AGMO: variants seen among roughly 807,000 people sequenced by gnomAD.
The protein encoded by AGMO is glyceryl-ether monooxygenase.
Under a neutral mutation model 60.2 loss-of-function variants are expected in AGMO, and 75 were observed. The observed-to-expected ratio is 1.25, with a 90% CI of 1.03 to 1.51. AGMO has a LOEUF of 1.51. AGMO is among the 40% of genes most tolerant of loss of function. AGMO has a pLI of 0.00. For missense variants in AGMO, 763 were observed against 525.5 expected (o/e 1.45, Z -4.42); for synonymous variants, 261 against 177.1 (o/e 1.47, Z -3.76).
chr7:15,362,379 G>T (rs940192707), intron 12 of AGMO, among the ~76,000 whole-genome samples: 2 of 152,206 alleles, frequency 1.3e-5, no homozygotes, highest in Middle Eastern at 3.4e-3. Flanking sequence ...CATCTCACTT[G>T]ACCTCTCAAC....
intron 12 of AGMO, among the ~76,000 whole-genome samples, chr7:15,230,726 A>C (rs1228937842): frequency 1.3e-5 from 2 of 151,672 alleles, no homozygotes; most frequent in East Asian, 3.9e-4. Flanking sequence ...ACTTTTCCCC[A>C]CTCTGACTCG....
the AGMO span, among the ~76,000 whole-genome samples, chr7:15,120,632 A>G: frequency 7.2e-5 from 11 of 152,080 alleles, no homozygotes; most frequent in Non-Finnish European, 1.2e-4. Flanking sequence ...CTAGAAATAA[A>G]TCAGTGTGCA....
chr7:15,469,074 G>T (rs748541556), intron 3 of AGMO, among the ~76,000 whole-genome samples: 2 of 151,920 alleles, frequency 1.3e-5, no homozygotes. Flanking sequence ...GGAATGTACG[G>T]GTTGTTTTCG....
In AGMO at chr7:15,333,267, C is replaced by T. The variant is rs576244579; in HGVS notation, c.1263+32247G>A. Among the ~76,000 whole-genome samples the T allele has an allele frequency of 4.4e-4, 67 of 152,238 alleles. 1 individual carries two copies. The South Asian group carries it at 8.1e-3, about 18-fold the overall frequency. The stretch of plus-strand genomic sequence containing the variant: ...CACTGAAATTCTACAGAGAAAACAA[C>T]TTCCCTTCTTCCCCACACACATGAA... On this transcript the variant is annotated intron_variant, in intron 12 of 12. Transcript: ENST00000342526.
chr7:15,165,440 T>A, the AGMO span, among the ~76,000 whole-genome samples: 4 of 152,140 alleles, frequency 2.6e-5, no homozygotes, highest in African/African-American at 7.2e-5. Context: ...TAATTACAAC[T>A]CAGAGTTTGA....
At chr7:15,385,626 A>T in intron 9 of AGMO, 64 bp from the exon 10 acceptor site, 2 of 897,244 alleles carry the variant, frequency 2.2e-6, no homozygotes, top group East Asian at 2.5e-5. Context: ...TGAAATTCAC[A>T]CTAAGAGATA....
At chr7:15,322,631 A>T (rs1254878275) in intron 12 of AGMO, among the ~76,000 whole-genome samples, 7 of 50,110 alleles carry the variant, frequency 1.4e-4, no homozygotes, top group Non-Finnish European at 2.0e-4. Flanking sequence ...AATATATATA[A>T]ATATATATAA....
chr7:15,188,240 C>T, the AGMO span, among the ~76,000 whole-genome samples: 1 of 152,152 alleles, frequency 6.6e-6, no homozygotes, highest in East Asian at 1.9e-4. Flanking sequence ...GCAGTCCTAT[C>T]ACTAGTTGTA....
chr7:15,206,007 A>G (rs1180482232), intron 12 of AGMO, among the ~76,000 whole-genome samples: 6 of 152,162 alleles, frequency 3.9e-5, no homozygotes, highest in African/African-American at 1.4e-4. Flanking sequence ...AAAGAAAACT[A>G]AAGGTAATCC....
At chr7:15,419,601 A>G (rs1395611535) in intron 4 of AGMO, among the ~76,000 whole-genome samples, 1 of 152,054 alleles carries the variant, frequency 6.6e-6, no homozygotes, top group Non-Finnish European at 1.5e-5. Flanking sequence ...AGCAATGATT[A>G]TACATGTAAA....
chr7:15,431,164 T>C, intron 3 of AGMO, 56 bp from the exon 4 acceptor site: 1 of 1,229,850 alleles, frequency 8.1e-7, no homozygotes, highest in Non-Finnish European at 1.2e-6. Context: ...GCAACTTCCA[T>C]TTTCAGTTAT....
chr7:15,204,791 C>G (rs966866139), intron 12 of AGMO, among the ~76,000 whole-genome samples: 1 of 152,146 alleles, frequency 6.6e-6, no homozygotes, highest in Non-Finnish European at 1.5e-5. Flanking sequence ...TGTCAGTAAT[C>G]CATATTAAAA....
intron 12 of AGMO, among the ~76,000 whole-genome samples, chr7:15,347,089 T>C (rs914872976): frequency 5.9e-5 from 9 of 152,054 alleles, no homozygotes; most frequent in Non-Finnish European, 1.3e-4. Context: ...GAATCAAACT[T>C]TAAATGACTC....
chr7:15,524,862 C>CAAAAAA (rs5882524), intron 3 of AGMO, among the ~76,000 whole-genome samples: 2 of 135,548 alleles, frequency 1.5e-5, no homozygotes, highest in Non-Finnish European at 1.6e-5. Context: ...AATTCCATCT[C>CAAAAAA]AAAAAAAAAA....
intron 3 of AGMO, among the ~76,000 whole-genome samples, chr7:15,532,569 GT>G (rs1192923986): frequency 6.6e-6 from 1 of 152,154 alleles, no homozygotes; most frequent in Non-Finnish European, 1.5e-5. Context: ...AAAATGACAG[GT>G]TTTCAATGAC....
At chr7:15,495,829 TCTCTCTCTCTCTCCTCTCTCTCTC>T (rs1176474400) in intron 3 of AGMO, among the ~76,000 whole-genome samples, 3 of 95,010 alleles carry the variant, frequency 3.2e-5, no homozygotes, top group Non-Finnish European at 2.5e-5. Flanking sequence ...ACTCTCTCTC[TCTCTCTCTCTCTCCTCTCTCTCTC>T]CTCTCTCTCT....
chr7:15,335,152 AAAAT>A (rs2128546261), intron 12 of AGMO, among the ~76,000 whole-genome samples: 1 of 152,310 alleles, frequency 6.6e-6, no homozygotes, highest in East Asian at 1.9e-4. Flanking sequence ...GGTTTCGTGT[AAAAT>A]AAATCAGCTG....
chr7:15,138,335 T>C, the AGMO span, among the ~76,000 whole-genome samples: 2 of 151,382 alleles, frequency 1.3e-5, no homozygotes, highest in Non-Finnish European at 2.9e-5. Context: ...TCTCACGACT[T>C]TACTCTCTCC....
At chr7:15,394,993 G>A (rs1156326913) in intron 5 of AGMO, among the ~76,000 whole-genome samples, 4 of 152,158 alleles carry the variant, frequency 2.6e-5, no homozygotes, top group Admixed American at 6.5e-5. Context: ...CCAGGTAGGT[G>A]TCATGAAAAA....
Sources: gnomAD v4.1 joint callset for allele counts (sites outside exome capture counted in the v4.1 genomes callset) on GRCh38, gnomAD v4.1.1 for gene constraint, MANE v1.5 for transcripts, NCBI Gene and HGNC (gene_info 2026-07-23, HGNC 2026-07-21) for gene names.